The following MLF1 variants were observed in gnomAD, a reference collection of about 807,000 sequenced individuals.
MLF1 encodes the protein myeloid leukemia factor 1.
Under a neutral mutation model 38.3 loss-of-function variants are expected in MLF1, and 37 were observed. The ratio of observed to expected loss-of-function variants is 0.96; its 90% CI spans 0.74 to 1.27. MLF1 has a LOEUF of 1.27. Ranked by LOEUF, MLF1 falls within the 50% of genes most tolerant of loss-of-function variation. The pLI, the probability that MLF1 is intolerant of heterozygous loss-of-function variation, is 0.00. For synonymous variants in MLF1, 95 were observed against 106.5 expected (o/e 0.89, Z 0.66); for missense variants, 331 against 349.2 (o/e 0.95, Z 0.42).
At chr3:158,601,618 A>C (rs1005130843) in intron 6 of MLF1, among the ~76,000 whole-genome samples, 9 of 150,366 alleles carry the variant, frequency 6.0e-5, no homozygotes, top group Admixed American at 5.3e-4. Context: ...TCAGCTGGGC[A>C]TGGTGGCCCG....
chr3:158,603,676 A>G (rs1720117785), intron 7 of MLF1, among the ~76,000 whole-genome samples: 1 of 152,032 alleles, frequency 6.6e-6, no homozygotes, highest in African/African-American at 2.4e-5. Context: ...CGTCTCTACT[A>G]AAAATACAAA....
At chr3:158,581,694 C>T (rs1045998357) in intron 1 of MLF1, among the ~76,000 whole-genome samples, 1 of 152,154 alleles carries the variant, frequency 6.6e-6, no homozygotes, top group African/African-American at 2.4e-5. Context: ...GGCAAAAAAA[C>T]AGTTTGAAGA....
At chr3:158,578,414 TGA>T (rs902669748) in intron 1 of MLF1, among the ~76,000 whole-genome samples, 3 of 146,634 alleles carry the variant, frequency 2.0e-5, no homozygotes, top group Admixed American at 1.4e-4. Context: ...CATATGTATT[TGA>T]GAGAGTTTTA....
intron 1 of MLF1, among the ~76,000 whole-genome samples, chr3:158,577,867 CAG>C (rs1189401903): frequency 6.6e-6 from 1 of 152,124 alleles, no homozygotes; most frequent in African/African-American, 2.4e-5. Flanking sequence ...TATAGAATAT[CAG>C]GGGAGCATAA....
At chr3:158,573,295 C>T (rs1216969253) in intron 1 of MLF1, 1 of 149,238 alleles carries the variant, frequency 6.7e-6, no homozygotes, top group Non-Finnish European at 1.5e-5. Flanking sequence ...CGCTTTGTTA[C>T]AGAGCTAACC....
intron 1 of MLF1, among the ~76,000 whole-genome samples, chr3:158,574,505 T>TAAAAAAAAAAAAAAA (rs758915813): frequency 1.3e-4 from 12 of 91,392 alleles, no homozygotes; most frequent in African/African-American, 6.3e-4. Flanking sequence ...CCATCTGTAC[T>TAAAAAAAAAAAAAAA]AAAAAAAAAA....
chr3:158,597,797 TA>T (rs1354978001), intron 4 of MLF1, among the ~76,000 whole-genome samples: 1 of 152,154 alleles, frequency 6.6e-6, no homozygotes, highest in Non-Finnish European at 1.5e-5. Context: ...CCCAAAGACT[TA>T]AGGATCTCTG....
chr3:158,604,043 T>C (rs1241970074), intron 7 of MLF1, among the ~76,000 whole-genome samples: 4 of 152,142 alleles, frequency 2.6e-5, no homozygotes. Context: ...GGTGGAAGCC[T>C]TCACAGAACT....
intron 1 of MLF1, chr3:158,590,635 A>G: frequency 2.7e-6 from 1 of 363,948 alleles, no homozygotes; most frequent in South Asian, 2.1e-5. Flanking sequence ...AGCTAGACAC[A>G]AAAGATGACA....
At chr3:158,587,594 C>T (rs968528862) in intron 1 of MLF1, among the ~76,000 whole-genome samples, 1 of 152,222 alleles carries the variant, frequency 6.6e-6, no homozygotes, top group African/African-American at 2.4e-5. Flanking sequence ...CCCTGGTATT[C>T]ATGCCTTTAT....
rs1456363410 is a variant in MLF1 at position 158,605,698 on chromosome 3, A to G, written c.*496A>G. On this transcript the variant is annotated 3_prime_UTR_variant, in exon 8 of 8. Transcript: ENST00000466246. ...ACTAGCTTAAAACTTTAAAAATAAT[A>G]AAGCAAAACTACACTAGTACTCTTT... 1 of 183,908 alleles carries G rather than the reference A, an allele frequency of 5.4e-6. No individual in the cohort carries two copies. Among genetic ancestry groups the G allele is most frequent in the East Asian group, 9.0e-5 (1 of 11,132 alleles). The allele number at this position is 183,908 out of a possible 1,614,324, so 11.4% of individuals were successfully genotyped here. A position where few individuals can be genotyped will look rare whatever the true frequency, so the allele number is the denominator to read the frequency against.
chr3:158,592,013 C>G (rs1282437456), intron 1 of MLF1, among the ~76,000 whole-genome samples: 1 of 152,104 alleles, frequency 6.6e-6, no homozygotes, highest in South Asian at 2.1e-4. Context: ...ATACACTTAA[C>G]CTACCGAGTA....
chr3:158,599,258 T>G (rs1263045357), intron 5 of MLF1, among the ~76,000 whole-genome samples: 1 of 152,186 alleles, frequency 6.6e-6, no homozygotes. Flanking sequence ...GTAGGGTATG[T>G]GTACTTTCCT....
At chr3:158,578,062 C>A (rs888118461) in intron 1 of MLF1, among the ~76,000 whole-genome samples, 3 of 152,150 alleles carry the variant, frequency 2.0e-5, no homozygotes, top group Non-Finnish European at 4.4e-5. Context: ...TTGGTTCCTG[C>A]CCTCAAGATC....
chr3:158,600,662 A>C (rs970893772), intron 6 of MLF1, among the ~76,000 whole-genome samples: 1 of 151,478 alleles, frequency 6.6e-6, no homozygotes, highest in Non-Finnish European at 1.5e-5. Context: ...ATAATTGTAA[A>C]GTTACTTATG....
Position 158,592,474 on chromosome 3 carries a change from A to G in MLF1, c.88A>G (p.Ile30Val). ...LAHRENMRQM[I>V]RSFSEPFGRD... The stretch of plus-strand genomic sequence containing the variant: ...ACACCGAGAAAATATGCGACAGATG[A>G]TAAGAAGTTTTTCTGAACCCTTTGG... Residue 30 changes from isoleucine (I) to valine (V), a missense_variant, in exon 2 of 8, where the codon ATA becomes GTA. Coordinates refer to ENST00000466246, the MANE Select transcript of MLF1 (RefSeq NM_001369783.1). 1.2e-6 allele frequency: 2 copies of G among 1,611,812 alleles called. No homozygotes were observed. Among genetic ancestry groups the G allele is most frequent in the Non-Finnish European group, 1.7e-6 (2 of 1,179,228 alleles).
chr3:158,582,821 C>T (rs1716616238), intron 1 of MLF1: 1 of 665,626 alleles, frequency 1.5e-6, no homozygotes. Flanking sequence ...GACAGTAGAC[C>T]TGCCTTGCAA....
chr3:158,578,334 CTA>C (rs1715782383), intron 1 of MLF1, among the ~76,000 whole-genome samples: 1 of 151,414 alleles, frequency 6.6e-6, no homozygotes, highest in African/African-American at 2.4e-5. Flanking sequence ...GCACAAGTAT[CTA>C]TATTCTTATA....
chr3:158,605,059 T>A, intron 7 of MLF1, 38 bp from the exon 8 acceptor site: 1 of 1,460,472 alleles, frequency 6.8e-7, no homozygotes. Flanking sequence ...ATTGGCCATT[T>A]TTTAAATGAT....
Sources: allele counts gnomAD v4.1 joint callset (sites outside exome capture counted in the v4.1 genomes callset), GRCh38; gene constraint gnomAD v4.1.1; transcripts MANE v1.5; gene names NCBI Gene and HGNC (gene_info 2026-07-23, HGNC 2026-07-21).